Variants in OPCML observed in about 807,000 individuals in gnomAD.
OPCML encodes opioid binding protein/cell adhesion molecule like.
A neutral mutation model predicts 37.8 loss-of-function variants in OPCML; 13 were observed. The observed-to-expected ratio is 0.34, with a 90% CI of 0.22 to 0.55. The LOEUF (loss-of-function observed/expected upper bound fraction) is 0.55, where lower values mean the gene tolerates loss of function less well. Ranked by LOEUF, OPCML falls within the 20% of genes least tolerant of loss-of-function variation. The pLI, the probability that OPCML is intolerant of heterozygous loss-of-function variation, is 0.91. For missense variants in OPCML, 341 were observed against 435.6 expected (o/e 0.78, Z 1.93); for synonymous variants, 176 against 168.8 (o/e 1.04, Z -0.33).
chr11:133,175,839 G>A (rs955059905), intron 1 of OPCML, among the ~76,000 whole-genome samples: 5 of 152,032 alleles, frequency 3.3e-5, no homozygotes, highest in African/African-American at 9.7e-5. Flanking sequence ...AATGTGCAAC[G>A]GATGAGACCT....
intron 3 of OPCML, among the ~76,000 whole-genome samples, chr11:132,531,951 T>A (rs1405636722): frequency 6.6e-6 from 1 of 152,048 alleles, no homozygotes; most frequent in Non-Finnish European, 1.5e-5. Flanking sequence ...TCCTAGAGGC[T>A]CCCTGATAGT....
At chr11:132,670,159 C>A (rs1015194192) in intron 2 of OPCML, among the ~76,000 whole-genome samples, 1 of 152,124 alleles carries the variant, frequency 6.6e-6, no homozygotes, top group Non-Finnish European at 1.5e-5. Flanking sequence ...TACTCACGAC[C>A]ATGTCTGTCT....
At chr11:132,595,198 AG>A (rs1368058905) in intron 3 of OPCML, among the ~76,000 whole-genome samples, 3 of 151,728 alleles carry the variant, frequency 2.0e-5, no homozygotes, top group Non-Finnish European at 1.5e-5. Flanking sequence ...AGGAAAGGGG[AG>A]GGGGAGGTCG....
chr11:132,943,163 G>T lies in OPCML; in HGVS notation c.62-153C>A. 1.3e-6 allele frequency: 2 copies of T among 1,599,908 alleles called. No homozygotes were observed. The highest frequency in any genetic ancestry group is 2.2e-5 in the South Asian group (2 of 90,092). On this transcript the variant is annotated intron_variant, in intron 1 of 7. Coordinates refer to ENST00000524381, the MANE Select transcript of OPCML (RefSeq NM_001012393.5). The surrounding 1 kb of genome is among the most constrained non-coding windows in gnomAD (Gnocchi z 4.3). Reference sequence around the variant, plus strand: ...TGGTCCCCCGCCCCGCGCACCAGCGGGCTCGGGAAGCGGTGCGGGGAGGAG... The same window carrying T: ...TGGTCCCCCGCCCCGCGCACCAGCGTGCTCGGGAAGCGGTGCGGGGAGGAG...
intron 1 of OPCML, among the ~76,000 whole-genome samples, chr11:133,306,027 G>A (rs1942905645): frequency 6.6e-6 from 1 of 152,160 alleles, no homozygotes; most frequent in Non-Finnish European, 1.5e-5. Flanking sequence ...AAGCTGAAAA[G>A]GTGATTTAAG....
At chr11:133,281,386 C>A (rs1313058903) in intron 1 of OPCML, among the ~76,000 whole-genome samples, 1 of 151,940 alleles carries the variant, frequency 6.6e-6, no homozygotes, top group Non-Finnish European at 1.5e-5. Flanking sequence ...GGCATTCCCC[C>A]ACATCTGTTG....
At chr11:132,646,600 G>C (rs947255489) in intron 3 of OPCML, among the ~76,000 whole-genome samples, 8 of 152,144 alleles carry the variant, frequency 5.3e-5, no homozygotes, top group Non-Finnish European at 1.0e-4. Context: ...TGAAGGTAGT[G>C]GTTGTGGGAA....
intron 2 of OPCML, among the ~76,000 whole-genome samples, chr11:132,788,973 CT>C (rs1937711153): frequency 6.6e-6 from 1 of 152,232 alleles, no homozygotes; most frequent in Non-Finnish European, 1.5e-5. Flanking sequence ...TCGTGTTCCT[CT>C]CTAGTATCAG....
intron 1 of OPCML, among the ~76,000 whole-genome samples, chr11:133,354,425 C>T (rs891150466): frequency 3.3e-5 from 5 of 151,634 alleles, no homozygotes; most frequent in Non-Finnish European, 5.9e-5. Flanking sequence ...GTTATCTTTA[C>T]AACAACCCTA....
chr11:132,943,753 G>A lies in OPCML; in HGVS notation c.62-743C>T, dbSNP rs1012104971. ...GTCGGCGACTCGCGGCCAGCCGGGGGAGCGCCGCCCGGCGCAGGCTCCGGG... is the reference window on the plus strand; with the variant it reads ...GTCGGCGACTCGCGGCCAGCCGGGGAAGCGCCGCCCGGCGCAGGCTCCGGG... On this transcript the variant is annotated intron_variant, in intron 1 of 7. Transcript: ENST00000524381. This position sits in a 1 kb window ranked among gnomAD's most constrained non-coding sequence, Gnocchi z 4.3. 4.6e-5 allele frequency: 7 copies of A among 150,876 alleles called. No individual in the cohort carries two copies. The highest frequency in any genetic ancestry group is 1.2e-4 in the African/African-American group (5 of 41,292). 9.3% of individuals were successfully genotyped at this position (150,876 alleles called of 1,614,324 possible).
At chr11:132,639,419 T>C (rs1186651250) in intron 3 of OPCML, among the ~76,000 whole-genome samples, 1 of 152,186 alleles carries the variant, frequency 6.6e-6, no homozygotes, top group Admixed American at 6.5e-5. Flanking sequence ...CCCTGCTGGA[T>C]GGTTGTAGAT....
At chr11:133,472,521 C>T (rs559586509) in intron 1 of OPCML, among the ~76,000 whole-genome samples, 10 of 151,738 alleles carry the variant, frequency 6.6e-5, no homozygotes, top group Admixed American at 3.9e-4. Flanking sequence ...AGGCAAACCC[C>T]GATCTTCGGC....
At chr11:132,742,051 T>A (rs1364661360) in intron 2 of OPCML, among the ~76,000 whole-genome samples, 1 of 151,850 alleles carries the variant, frequency 6.6e-6, no homozygotes, top group Admixed American at 6.6e-5. Context: ...AATTAAAAAA[T>A]AAATAAAAGC....
At chr11:132,503,509 A>G (rs1426188031) in intron 4 of OPCML, among the ~76,000 whole-genome samples, 1 of 152,086 alleles carries the variant, frequency 6.6e-6, no homozygotes, top group Non-Finnish European at 1.5e-5. Flanking sequence ...TGCATTAAAA[A>G]TATGGTGTGT....
intron 1 of OPCML, among the ~76,000 whole-genome samples, chr11:133,166,413 C>A (rs1950208630): frequency 6.6e-6 from 1 of 152,224 alleles, no homozygotes; most frequent in Non-Finnish European, 1.5e-5. Flanking sequence ...CTGCTCAAGG[C>A]CATACAGCTC....
intron 2 of OPCML, among the ~76,000 whole-genome samples, chr11:132,848,441 G>A (rs981990579): frequency 1.3e-5 from 2 of 152,180 alleles, no homozygotes; most frequent in African/African-American, 4.8e-5. Context: ...AGCTCATTGT[G>A]CAACATTCTC....
chr11:132,586,591 G>C (rs941556701), intron 3 of OPCML, among the ~76,000 whole-genome samples: 3 of 152,148 alleles, frequency 2.0e-5, no homozygotes, highest in Admixed American at 6.5e-5. Context: ...TTTATGGTTT[G>C]TCCCAGGGCT....
At chr11:133,051,604 A>C (rs1397048145) in intron 1 of OPCML, among the ~76,000 whole-genome samples, 3 of 152,126 alleles carry the variant, frequency 2.0e-5, no homozygotes, top group African/African-American at 4.8e-5. Context: ...CCAGCAGCAC[A>C]TGGCTATCTC....
chr11:133,284,847 A>T (rs1592166436), intron 1 of OPCML, among the ~76,000 whole-genome samples: 2 of 152,164 alleles, frequency 1.3e-5, no homozygotes, highest in South Asian at 4.1e-4. Context: ...TAATTTAAAA[A>T]TTTAAATGAG....
Sources: allele counts gnomAD v4.1 joint callset (sites outside exome capture counted in the v4.1 genomes callset), GRCh38; gene constraint gnomAD v4.1.1; non-coding constraint Gnocchi (gnomAD v3.1); transcripts MANE v1.5; gene names NCBI Gene and HGNC (gene_info 2026-07-23, HGNC 2026-07-21).